The following TULP4 variants were observed in gnomAD, a reference collection of about 807,000 sequenced individuals.
TULP4 encodes tubby-related protein 4.
In TULP4, 16 loss-of-function variants were observed where a neutral mutation model predicts 129.0. The ratio of observed to expected loss-of-function variants is 0.12; its 90% CI spans 0.08 to 0.19. The LOEUF (loss-of-function observed/expected upper bound fraction) is 0.19. Ranked by LOEUF, TULP4 falls within the 10% of genes least tolerant of loss-of-function variation. The pLI is 1.00. For synonymous variants in TULP4, 998 were observed against 854.0 expected, an observed-to-expected ratio of 1.17 and a Z score of -2.94; for missense variants, 1,842 against 2,059.1, an observed-to-expected ratio of 0.89 and a Z score of 2.04.
intron 6 of TULP4, among the ~76,000 whole-genome samples, chr6:158,472,445 C>A (rs1779708143): frequency 6.6e-6 from 1 of 152,070 alleles, no homozygotes; most frequent in Non-Finnish European, 1.5e-5. Flanking sequence ...GGGTCCATTT[C>A]AACCATTGAA....
chr6:158,372,352 G>A (rs998069691), intron 1 of TULP4, among the ~76,000 whole-genome samples: 2 of 151,998 alleles, frequency 1.3e-5, no homozygotes, highest in African/African-American at 2.4e-5. Context: ...AATCAGAAAA[G>A]CAACTAGAGA....
Position 158,439,781 on chromosome 6 carries a change from G to A in TULP4, c.544-9215G>A, listed in dbSNP as rs546037215. 1.5e-4 allele frequency among the ~76,000 whole-genome samples: 19 copies of A among 128,276 alleles called. No homozygotes were observed. In the South Asian group the frequency reaches 4.1e-3, roughly 28 times the overall value. The allele number at this position is 128,276 out of a possible 152,430, so 84.2% of individuals were successfully genotyped here. ...GGCTGGAGTGCAGTGGTGCGATCTC[G>A]GCTCACTGCAAGCTCCGCCTCCTGG... On this transcript the variant is annotated intron_variant, in intron 3 of 13. Transcript: ENST00000367097.
chr6:158,318,838 ACCTCAG>A (rs964612387), intron 1 of TULP4, among the ~76,000 whole-genome samples: 2 of 149,822 alleles, frequency 1.3e-5, no homozygotes, highest in African/African-American at 4.9e-5. Flanking sequence ...TGATCTTCCC[ACCTCAG>A]CCTGCCAAGT....
At chr6:158,260,422 A>G (rs567477128) in intron 1 of TULP4, among the ~76,000 whole-genome samples, 82 of 152,164 alleles carry the variant, frequency 5.4e-4, no homozygotes, top group African/African-American at 1.8e-3. Context: ...TAAAAATACA[A>G]AAAATTAGCT....
At chr6:158,310,727 T>C (rs992591042), upstream of TULP4, among the ~76,000 whole-genome samples, 1 of 152,112 alleles carries the variant, frequency 6.6e-6, no homozygotes, top group African/African-American at 2.4e-5. Flanking sequence ...ATTCAAACCA[T>C]GTCACATGGT....
In TULP4 at chr6:158,247,260, A is replaced by G. The variant is rs1418921780; in HGVS notation, n.68+14957A>G. 2.0e-5 allele frequency among the ~76,000 whole-genome samples: 3 copies of G among 152,158 alleles called. No individual in the cohort carries two copies. In the East Asian group the frequency reaches 5.8e-4, roughly 29 times the overall value. On this transcript the variant is annotated intron_variant and non_coding_transcript_variant, in intron 1 of 1. Coordinates refer to the TULP4 transcript ENST00000620026. ...ATAAAGTGCTTGTAGAGTCTAATCTATTAATGTCTGGTTAAGTCTAAGAAT... is the reference window on the plus strand; with the variant it reads ...ATAAAGTGCTTGTAGAGTCTAATCTGTTAATGTCTGGTTAAGTCTAAGAAT...
intron 1 of TULP4, among the ~76,000 whole-genome samples, chr6:158,388,316 G>GTTTTTTTTTTTTTTTTTTTTTT (rs1377926300): frequency 1.1e-5 from 1 of 92,822 alleles, no homozygotes; most frequent in Admixed American, 1.1e-4. Flanking sequence ...TAATCTGCTC[G>GTTTTTTTTTTTTTTTTTTTTTT]TTTTTCTTTT....
At position 158,365,871 on chromosome 6, in the gene TULP4, TTTTC is replaced by T. The variant is rs1412303109; in HGVS notation, c.253-47190_253-47187del. ...TTTTGATGGTTGAGTTTTGGTTCGTTTTTCTTTTTTTTTTTTTCTTTTTCTTTCT... is the reference window on the plus strand; with the variant it reads ...TTTTGATGGTTGAGTTTTGGTTCGTTTTTTTTTTTTTTTCTTTTTCTTTCT... On this transcript the variant is annotated intron_variant, in intron 1 of 13. Transcript: ENST00000367097. Among the ~76,000 whole-genome samples, 6 of 98,006 alleles carry T rather than the reference TTTTC, an allele frequency of 6.1e-5. No individual in the cohort carries two copies. In the East Asian group the frequency reaches 1.2e-3, roughly 20 times the overall value. 64.3% of individuals were successfully genotyped at this position (98,006 alleles called of 152,430 possible).
At chr6:158,383,113 C>T (rs2114920429) in intron 1 of TULP4, among the ~76,000 whole-genome samples, 1 of 152,244 alleles carries the variant, frequency 6.6e-6, no homozygotes, top group African/African-American at 2.4e-5. Flanking sequence ...ACCCCTCTTG[C>T]CTTAGACCAT....
Position 158,315,589 on chromosome 6 carries a change from G to A in TULP4, c.252+1321G>A, listed in dbSNP as rs372056709. ...ATAGAGCATTTCCAGCACCAGTTAC[G>A]GGTACTTGGTGCTCCTTCCCAGATT... On this transcript the variant is annotated intron_variant, in intron 1 of 13. Transcript: ENST00000367097. Among the ~76,000 whole-genome samples the A allele has an allele frequency of 6.4e-4, 97 of 152,274 alleles. 1 individual carries two copies. Among genetic ancestry groups the A allele is most frequent in the African/African-American group, 1.9e-3 (81 of 41,570 alleles).
At chr6:158,481,355 A>G (rs1277430218) in intron 8 of TULP4, 66 bp downstream of exon 8, 5 of 1,419,840 alleles carry the variant, frequency 3.5e-6, no homozygotes, top group Non-Finnish European at 4.9e-6. Flanking sequence ...AACGCCTTAC[A>G]CCCCATGCAA....
chr6:158,468,717 A>G (rs1779608211), intron 6 of TULP4, among the ~76,000 whole-genome samples: 1 of 152,230 alleles, frequency 6.6e-6, no homozygotes, highest in African/African-American at 2.4e-5. Flanking sequence ...TGGGTGATTT[A>G]TAAATAATAC....
intron 6 of TULP4, among the ~76,000 whole-genome samples, chr6:158,475,899 C>A (rs1779806227): frequency 6.6e-6 from 1 of 152,192 alleles, no homozygotes; most frequent in Non-Finnish European, 1.5e-5. Flanking sequence ...AAAATTAACA[C>A]CAGCAGAAAT....
intron 1 of TULP4, among the ~76,000 whole-genome samples, chr6:158,347,906 T>G (rs1431129738): frequency 2.6e-5 from 4 of 151,724 alleles, no homozygotes; most frequent in African/African-American, 9.7e-5. Flanking sequence ...TGTTTTTGGA[T>G]GAGAAAAAAA....
upstream of TULP4, among the ~76,000 whole-genome samples, chr6:158,311,408 G>A (rs998597357): frequency 1.3e-5 from 2 of 152,150 alleles, no homozygotes; most frequent in African/African-American, 2.4e-5. Context: ...GAGTGTTCTC[G>A]TGTTTGTAGA....
chr6:158,385,524 T>A (rs138579239), intron 1 of TULP4, among the ~76,000 whole-genome samples: 1 of 152,098 alleles, frequency 6.6e-6, no homozygotes, highest in Non-Finnish European at 1.5e-5. Flanking sequence ...AACCTCAGAT[T>A]CTTCGGTGAA....
chr6:158,489,787 T>C, intron 9 of TULP4, 55 bp downstream of exon 9: 1 of 1,603,758 alleles, frequency 6.2e-7, no homozygotes, highest in Non-Finnish European at 8.5e-7. Flanking sequence ...ATATGTGTGT[T>C]TGTGCCTGCA....
chr6:158,329,254 C>T (rs1779820149), intron 1 of TULP4, among the ~76,000 whole-genome samples: 1 of 152,054 alleles, frequency 6.6e-6, no homozygotes, highest in African/African-American at 2.4e-5. Flanking sequence ...ATTTGGTCTA[C>T]TAAAATACAG....
intron 1 of TULP4, among the ~76,000 whole-genome samples, chr6:158,304,647 A>G (rs545219103): frequency 6.8e-6 from 1 of 146,362 alleles, no homozygotes; most frequent in South Asian, 2.3e-4. Flanking sequence ...AAATATATAT[A>G]CCATTAAATT....
Sources: allele counts gnomAD v4.1 joint callset (sites outside exome capture counted in the v4.1 genomes callset), GRCh38; gene constraint gnomAD v4.1.1; transcripts MANE v1.5; gene names NCBI Gene and HGNC (gene_info 2026-07-23, HGNC 2026-07-21).